Variants in OCA2 observed in about 807,000 individuals in gnomAD.
OCA2 encodes the protein P protein.
A neutral mutation model predicts 100.2 loss-of-function variants in OCA2; 77 were observed. The observed-to-expected ratio is 0.77, with a 90% CI of 0.64 to 0.93. The LOEUF is 0.93. Ranked by LOEUF, OCA2 falls within the 40% of genes least tolerant of loss-of-function variation. OCA2 has a pLI of 0.00. For missense variants in OCA2, 1,062 were observed against 1,089.1 expected, an observed-to-expected ratio of 0.98 and a Z score of 0.35; for synonymous variants, 432 against 439.2, an observed-to-expected ratio of 0.98 and a Z score of 0.21.
At chr15:27,725,413 C>T in the OCA2 span, among the ~76,000 whole-genome samples, 1 of 152,064 alleles carries the variant, frequency 6.6e-6, no homozygotes, top group Non-Finnish European at 1.5e-5. Flanking sequence ...CCCCTCTCTA[C>T]AAAAATTAGC....
Position 27,993,063 on chromosome 15 carries a change from G to T in OCA2, c.1045-2416C>A, listed in dbSNP as rs61390897. 2.3e-3 allele frequency among the ~76,000 whole-genome samples: 343 copies of T among 152,308 alleles called. 1 individual carries two copies. Among genetic ancestry groups the T allele is most frequent in the African/African-American group, 8.0e-3 (331 of 41,562 alleles). On this transcript the variant is annotated intron_variant, in intron 9 of 23. Transcript: ENST00000354638. The stretch of plus-strand genomic sequence containing the variant: ...TGCTTGAGCCCTGGAGGCAGAGCCT[G>T]CAGTGAGCCAAGATTGCACCACTGC...
At chr15:27,993,345 T>C (rs975500055) in intron 9 of OCA2, among the ~76,000 whole-genome samples, 1 of 152,122 alleles carries the variant, frequency 6.6e-6, no homozygotes, top group African/African-American at 2.4e-5. Flanking sequence ...TGAATAATTG[T>C]CCCCGTGTCG....
intron 23 of OCA2, among the ~76,000 whole-genome samples, chr15:27,820,268 T>C (rs2151266578): frequency 6.6e-6 from 1 of 152,328 alleles, no homozygotes; most frequent in Non-Finnish European, 1.5e-5. Flanking sequence ...TGTTGCTTGC[T>C]CGTGGCAACT....
chr15:27,938,836 C>T (rs117216753), intron 18 of OCA2, among the ~76,000 whole-genome samples: 2,601 of 152,324 alleles, frequency 0.017, 35 homozygotes, highest in Non-Finnish European at 0.025. Context: ...TGAGCACACT[C>T]AAGTATGGTC....
chr15:27,986,483 T>A, intron 12 of OCA2, 104 bp downstream of exon 12: 1 of 853,274 alleles, frequency 1.2e-6, no homozygotes, highest in Non-Finnish European at 1.9e-6. Context: ...GGATGGAATT[T>A]TTCAATGTTT....
chr15:28,096,092 G>A (rs1378221623), intron 1 of OCA2, among the ~76,000 whole-genome samples: 1 of 152,068 alleles, frequency 6.6e-6, no homozygotes, highest in Non-Finnish European at 1.5e-5. Context: ...GTCTGCAAAG[G>A]CGTCAATGTG....
At chr15:27,781,102 G>A (rs1351092229) in intron 23 of OCA2, among the ~76,000 whole-genome samples, 1 of 152,218 alleles carries the variant, frequency 6.6e-6, no homozygotes, top group South Asian at 2.1e-4. Flanking sequence ...ATTAGAGTCT[G>A]CTGCCTAAGA....
chr15:28,014,072 T>C (rs2042314506), intron 9 of OCA2, among the ~76,000 whole-genome samples: 1 of 152,144 alleles, frequency 6.6e-6, no homozygotes, highest in Non-Finnish European at 1.5e-5. Context: ...TTCTCAGACC[T>C]ATCCCAAGCT....
At chr15:27,789,406 T>C (rs2151120577) in intron 23 of OCA2, among the ~76,000 whole-genome samples, 1 of 152,356 alleles carries the variant, frequency 6.6e-6, no homozygotes, top group East Asian at 1.9e-4. Flanking sequence ...CTTGAGTTTG[T>C]ATCTTCGTTT....
At chr15:27,930,950 C>T (rs2039226077) in intron 18 of OCA2, among the ~76,000 whole-genome samples, 1 of 152,142 alleles carries the variant, frequency 6.6e-6, no homozygotes, top group Admixed American at 6.5e-5. Flanking sequence ...TAGCCAAACA[C>T]GTTGCACAAA....
At chr15:27,979,846 C>T (rs533680820) in intron 14 of OCA2, among the ~76,000 whole-genome samples, 38 of 149,518 alleles carry the variant, frequency 2.5e-4, no homozygotes, top group African/African-American at 8.8e-4. Flanking sequence ...ACTACAAGCA[C>T]GTGCCACCAT....
At chr15:27,732,289 C>A in the OCA2 span, among the ~76,000 whole-genome samples, 1 of 152,198 alleles carries the variant, frequency 6.6e-6, no homozygotes, top group Non-Finnish European at 1.5e-5. Context: ...ACCAAAAACA[C>A]ACTAATGGTG....
intron 2 of OCA2, among the ~76,000 whole-genome samples, chr15:28,074,223 C>CA (rs1443833805): frequency 6.6e-6 from 1 of 152,188 alleles, no homozygotes; most frequent in Admixed American, 6.5e-5. Context: ...ATGATAATCA[C>CA]ATAGACTGAT....
intron 14 of OCA2, among the ~76,000 whole-genome samples, chr15:27,982,835 C>A (rs924101239): frequency 6.6e-6 from 1 of 152,196 alleles, no homozygotes; most frequent in African/African-American, 2.4e-5. Flanking sequence ...GAATACCTTG[C>A]ACTTTCTAAT....
the OCA2 span, among the ~76,000 whole-genome samples, chr15:27,746,966 T>A: frequency 1.3e-5 from 2 of 152,208 alleles, no homozygotes; most frequent in Non-Finnish European, 2.9e-5. Context: ...AAGACATCCA[T>A]TCAGATGTTC....
At chr15:27,890,651 G>A (rs1386823628) in intron 19 of OCA2, among the ~76,000 whole-genome samples, 1 of 152,140 alleles carries the variant, frequency 6.6e-6, no homozygotes, top group Non-Finnish European at 1.5e-5. Flanking sequence ...TACACTCTCA[G>A]ATAAAGAAAA....
At chr15:27,996,114 A>G (rs1488979550) in intron 9 of OCA2, among the ~76,000 whole-genome samples, 3 of 152,172 alleles carry the variant, frequency 2.0e-5, no homozygotes, top group African/African-American at 7.2e-5. Flanking sequence ...CCCAGCCGCA[A>G]CACACTCTTG....
Position 28,033,559 on chromosome 15 carries a change from C to T in OCA2, c.228-1396G>A, listed in dbSNP as rs573923218. ...AGTCTGTCTGGGGCCAGTGAATATC[C>T]GCTGGGCGTCATCTCTGGGCAGCAC... On this transcript the variant is annotated intron_variant, in intron 2 of 23. Coordinates refer to ENST00000354638, the MANE Select transcript of OCA2 (RefSeq NM_000275.3). Among the ~76,000 whole-genome samples, 8 of 152,250 alleles carry T rather than the reference C, an allele frequency of 5.3e-5. No homozygotes were observed. The South Asian group carries it at 1.5e-3, about 28-fold the overall frequency.
chr15:27,939,804 A>C (rs555174251), intron 18 of OCA2, among the ~76,000 whole-genome samples: 1 of 152,250 alleles, frequency 6.6e-6, no homozygotes, highest in African/African-American at 2.4e-5. Flanking sequence ...CAACAAGTGA[A>C]TGAACAAGCA....
Sources: allele counts gnomAD v4.1 joint callset (sites outside exome capture counted in the v4.1 genomes callset), GRCh38; gene constraint gnomAD v4.1.1; transcripts MANE v1.5; gene names NCBI Gene and HGNC (gene_info 2026-07-23, HGNC 2026-07-21).